ADAMTS19: variants seen among roughly 807,000 people sequenced by gnomAD.
The protein encoded by ADAMTS19 is A disintegrin and metalloproteinase with thrombospondin motifs 19.
A neutral mutation model predicts 153.3 loss-of-function variants in ADAMTS19; 93 were observed. The observed-to-expected ratio is 0.61, with a 90% CI of 0.51 to 0.72. ADAMTS19 has a LOEUF of 0.72. Among genes scored for constraint, ADAMTS19 ranks in the 30% least tolerant of loss-of-function variants. ADAMTS19 has a pLI of 0.00. For missense variants in ADAMTS19, 1,482 were observed against 1,552.1 expected, an observed-to-expected ratio of 0.95 and a Z score of 0.76; for synonymous variants, 600 against 556.6, an observed-to-expected ratio of 1.08 and a Z score of -1.10.
intron 15 of ADAMTS19, among the ~76,000 whole-genome samples, chr5:129,664,384 G>C (rs1753943675): frequency 6.6e-6 from 1 of 152,040 alleles, no homozygotes; most frequent in South Asian, 2.1e-4. Context: ...TGCGTATTTT[G>C]GTCATGTGAA....
chr5:129,595,010 T>A (rs1750308081), intron 7 of ADAMTS19, among the ~76,000 whole-genome samples: 1 of 152,120 alleles, frequency 6.6e-6, no homozygotes, highest in Non-Finnish European at 1.5e-5. Context: ...TAAAATCTAT[T>A]TTAATTTGTA....
At position 129,528,540 on chromosome 5, in the gene ADAMTS19, T is replaced by C; in HGVS notation, c.1191T>C (p.His397=). Residue 397 remains histidine, a synonymous_variant, in exon 6 of 23, where the codon CAT becomes CAC. Transcript: ENST00000274487. ...HETPPELYIG[H]HGEKMLESFC... ...TGCAGCCAGAACTATATATTGGGCA[T>C]CATGGAGAAAAAATGCTAGAGAGTT... 6.2e-7 allele frequency: 1 copy of C among 1,602,276 alleles called. No homozygotes were observed.
intron 3 of ADAMTS19, among the ~76,000 whole-genome samples, chr5:129,510,092 A>G (rs1285918315): frequency 6.6e-6 from 1 of 151,918 alleles, no homozygotes; most frequent in Non-Finnish European, 1.5e-5. Context: ...GAGGAAATAT[A>G]AATTTATTGA....
chr5:129,736,671 T>A (rs1175312524), intron 22 of ADAMTS19, among the ~76,000 whole-genome samples: 16 of 152,214 alleles, frequency 1.1e-4, no homozygotes, highest in Non-Finnish European at 2.9e-5. Flanking sequence ...TCCTTGTAAT[T>A]TCAACCCTAA....
At chr5:129,516,727 A>G (rs1024137070) in intron 3 of ADAMTS19, among the ~76,000 whole-genome samples, 1 of 149,734 alleles carries the variant, frequency 6.7e-6, no homozygotes, top group Non-Finnish European at 1.5e-5. Context: ...ATTTTGTTTA[A>G]CTTTTCAAAT....
At chr5:129,728,559 T>C (rs1329685498) in intron 21 of ADAMTS19, among the ~76,000 whole-genome samples, 1 of 152,120 alleles carries the variant, frequency 6.6e-6, no homozygotes, top group Admixed American at 6.6e-5. Context: ...TCTCTTGGGG[T>C]CTGGATCAGA....
At chr5:129,483,692 A>G (rs190719894) in intron 2 of ADAMTS19, among the ~76,000 whole-genome samples, 8 of 152,314 alleles carry the variant, frequency 5.3e-5, no homozygotes, top group African/African-American at 1.7e-4. Flanking sequence ...TGCTCTTCAT[A>G]TGGATTACAT....
At chr5:129,726,004 T>TG (rs1204049233) in intron 21 of ADAMTS19, among the ~76,000 whole-genome samples, 1 of 152,068 alleles carries the variant, frequency 6.6e-6, no homozygotes, top group Non-Finnish European at 1.5e-5. Flanking sequence ...TATTTTTTGG[T>TG]GGGGAAAAGG....
intron 3 of ADAMTS19, among the ~76,000 whole-genome samples, chr5:129,524,837 T>G (rs1751952287): frequency 6.6e-6 from 1 of 152,036 alleles, no homozygotes; most frequent in Non-Finnish European, 1.5e-5. Flanking sequence ...CTCTAATTTC[T>G]CCTACCCTAA....
Position 129,737,219 on chromosome 5 carries a change from C to T in ADAMTS19, c.*1C>T, listed in dbSNP as rs775170440. The T allele has an allele frequency of 5.0e-6, 8 of 1,593,430 alleles. No individual in the cohort carries two copies. The South Asian group carries it at 6.7e-5, about 13-fold the overall frequency. ...CCAAAAGCTGCAGCAGAAGAGTTGA[C>T]CTCTAGCAGGCTGGCTGGATCACAG... On this transcript the variant is annotated 3_prime_UTR_variant, in exon 23 of 23. Coordinates refer to ENST00000274487, the MANE Select transcript of ADAMTS19 (RefSeq NM_133638.6).
At chr5:129,716,854 G>A (rs755777593) in intron 21 of ADAMTS19, among the ~76,000 whole-genome samples, 18 of 152,028 alleles carry the variant, frequency 1.2e-4, no homozygotes, top group African/African-American at 3.6e-4. Context: ...CATTGATTGC[G>A]TCAACTACCA....
At chr5:129,463,406 T>C (rs1457342485) in intron 2 of ADAMTS19, among the ~76,000 whole-genome samples, 1 of 152,144 alleles carries the variant, frequency 6.6e-6, no homozygotes, top group Non-Finnish European at 1.5e-5. Context: ...AAAAAAAGAA[T>C]TATAAGTAGG....
In ADAMTS19 at chr5:129,460,339, G is replaced by A. The variant is rs893621326; in HGVS notation, c.-53G>A. 28 of 1,545,428 alleles carry A rather than the reference G, an allele frequency of 1.8e-5. No individual in the cohort carries two copies. The African/African-American group carries it at 3.4e-4, about 19-fold the overall frequency. On this transcript the variant is annotated 5_prime_UTR_variant, in exon 1 of 23. Transcript: ENST00000274487. The stretch of plus-strand genomic sequence containing the variant: ...GGGGAGGCCGCTGCGCCCCGGAGTG[G>A]ATCGCGCTGGAGGCGTGCGCCGGGC...
chr5:129,553,866 T>C (rs1043439549), intron 7 of ADAMTS19, among the ~76,000 whole-genome samples: 2 of 152,190 alleles, frequency 1.3e-5, no homozygotes, highest in Non-Finnish European at 2.9e-5. Flanking sequence ...TACCTATGCC[T>C]ATGTCTGGAG....
chr5:129,531,843 C>G (rs1752217786), intron 6 of ADAMTS19, among the ~76,000 whole-genome samples: 1 of 152,058 alleles, frequency 6.6e-6, no homozygotes. Context: ...TAGAAATAAA[C>G]CCAGATATAT....
intron 7 of ADAMTS19, among the ~76,000 whole-genome samples, chr5:129,591,890 G>A (rs1020295727): frequency 1.3e-5 from 2 of 152,014 alleles, no homozygotes; most frequent in African/African-American, 4.8e-5. Context: ...TTCTTCATTA[G>A]TTCCATTATT....
chr5:129,614,271 G>C (rs1315702418), intron 8 of ADAMTS19, among the ~76,000 whole-genome samples: 1 of 152,002 alleles, frequency 6.6e-6, no homozygotes, highest in Non-Finnish European at 1.5e-5. Flanking sequence ...ATGAACATCA[G>C]AGCAAAAATC....
At chr5:129,670,502 G>A (rs1754254087) in intron 16 of ADAMTS19, among the ~76,000 whole-genome samples, 1 of 152,148 alleles carries the variant, frequency 6.6e-6, no homozygotes, top group East Asian at 1.9e-4. Flanking sequence ...CTTGCCCAAG[G>A]TTACACATCT....
chr5:129,621,054 TG>T (rs1281681394), intron 9 of ADAMTS19, among the ~76,000 whole-genome samples: 3 of 152,208 alleles, frequency 2.0e-5, no homozygotes, highest in African/African-American at 7.2e-5. Context: ...TTTTCAATTT[TG>T]CCCAGTGGAA....
Sources: allele counts gnomAD v4.1 joint callset (sites outside exome capture counted in the v4.1 genomes callset), GRCh38; gene constraint gnomAD v4.1.1; transcripts MANE v1.5; gene names NCBI Gene and HGNC (gene_info 2026-07-23, HGNC 2026-07-21).